Variants in KAT2B observed in about 807,000 individuals in gnomAD.
KAT2B encodes the protein histone acetyltransferase KAT2B.
In KAT2B, 36 loss-of-function variants were observed where a neutral mutation model predicts 105.9. The observed-to-expected ratio is 0.34, with a 90% CI of 0.26 to 0.45. The LOEUF (loss-of-function observed/expected upper bound fraction) is 0.45, where lower values mean the gene tolerates loss of function less well. KAT2B is among the 20% of genes least tolerant of loss of function. KAT2B has a pLI of 1.00. For synonymous variants in KAT2B, 397 were observed against 377.9 expected (o/e 1.05, Z -0.59); for missense variants, 820 against 1,021.6 (o/e 0.80, Z 2.69).
chr3:20,125,902 C>T lies in KAT2B; in HGVS notation c.1414-3C>T, dbSNP rs1699394118. The stretch of plus-strand genomic sequence containing the variant: ...TAATTTTTTCCTGTCTCTTGCATCT[C>T]AGACCAATTTTCTGTCAGCACACTC... On this transcript the variant is annotated splice_polypyrimidine_tract_variant and splice_region_variant and intron_variant, in intron 9 of 17. Transcript: ENST00000263754. The T allele has an allele frequency of 1.2e-6, 2 of 1,613,148 alleles. No homozygotes were observed. Among genetic ancestry groups the T allele is most frequent in the Non-Finnish European group, 1.7e-6 (2 of 1,179,796 alleles).
intron 1 of KAT2B, among the ~76,000 whole-genome samples, chr3:20,062,125 TATATATAA>T (rs1559514121): frequency 1.4e-4 from 10 of 73,964 alleles, no homozygotes; most frequent in African/African-American, 2.4e-4. Context: ...ATAAAACATA[TATATATAA>T]AATATATAAT....
chr3:20,101,944 A>G (rs1162764175), intron 5 of KAT2B, among the ~76,000 whole-genome samples: 1 of 152,202 alleles, frequency 6.6e-6, no homozygotes, highest in Non-Finnish European at 1.5e-5. Flanking sequence ...AATATAGTTG[A>G]CTAGATAGCT....
Position 20,072,967 on chromosome 3 carries a change from T to C in KAT2B, c.430+508T>C, listed in dbSNP as rs144760562. Among the ~76,000 whole-genome samples the C allele has an allele frequency of 4.8e-3, 731 of 152,284 alleles. 24 individuals are homozygous for C. Among genetic ancestry groups the C allele is most frequent in the Admixed American group, 0.042 (640 of 15,290 alleles). ...GCTGCTCTTTATTGTGTTTATTGAATGTTTACTGGTGGTTTCCCTTTCAAC... is the reference window on the plus strand; with the variant it reads ...GCTGCTCTTTATTGTGTTTATTGAACGTTTACTGGTGGTTTCCCTTTCAAC... On this transcript the variant is annotated intron_variant, in intron 2 of 17. Transcript: ENST00000263754.
intron 2 of KAT2B, among the ~76,000 whole-genome samples, chr3:20,078,703 G>GTA (rs371492340): frequency 8.8e-5 from 13 of 148,020 alleles, no homozygotes; most frequent in East Asian, 7.7e-4. Flanking sequence ...GTATATATAT[G>GTA]TATATATATA....
intron 4 of KAT2B, among the ~76,000 whole-genome samples, chr3:20,100,760 A>G (rs1027048794): frequency 1.3e-5 from 2 of 152,226 alleles, no homozygotes; most frequent in South Asian, 2.1e-4. Flanking sequence ...TTAAAAGCCC[A>G]TAATTTTGAA....
chr3:20,104,970 C>T (rs1463120959), intron 5 of KAT2B, among the ~76,000 whole-genome samples: 1 of 151,454 alleles, frequency 6.6e-6, no homozygotes, highest in African/African-American at 2.4e-5. Flanking sequence ...ACTGCAACCT[C>T]CACCTCCTGA....
chr3:20,072,108 C>T (rs571937688), intron 1 of KAT2B, among the ~76,000 whole-genome samples: 2 of 152,282 alleles, frequency 1.3e-5, no homozygotes, highest in East Asian at 3.9e-4. Flanking sequence ...TGAGCTGTAG[C>T]ATGCAGATTC....
rs754938316 is a variant in KAT2B, at chr3:20,130,135, G to T, written c.1749+2586G>T. Among the ~76,000 whole-genome samples, 11 of 152,250 alleles carry T rather than the reference G, an allele frequency of 7.2e-5. No individual in the cohort carries two copies. In the South Asian group the frequency reaches 8.3e-4, roughly 11 times the overall value. On this transcript the variant is annotated intron_variant, in intron 11 of 17. Transcript: ENST00000263754. ...CGGGATTACAGGCGTGAGCCACCAC[G>T]CCCGGCCTCAGCACGAATTATAGCT...
chr3:20,139,781 TTAAG>T (rs1327137146), intron 12 of KAT2B, among the ~76,000 whole-genome samples: 1 of 146,016 alleles, frequency 6.8e-6, no homozygotes, highest in East Asian at 2.2e-4. Context: ...CTCAGAAACA[TTAAG>T]TTTCTAATCA....
At chr3:20,118,267 ATAT>A (rs1370056952) in intron 7 of KAT2B, among the ~76,000 whole-genome samples, 3 of 146,574 alleles carry the variant, frequency 2.0e-5, no homozygotes, top group Admixed American at 1.4e-4. Flanking sequence ...ATATGTAAAT[ATAT>A]TATTTATATA....
chr3:20,119,443 G>A (rs1699267453), intron 7 of KAT2B, among the ~76,000 whole-genome samples, 155 bp from the exon 8 acceptor site: 1 of 152,098 alleles, frequency 6.6e-6, no homozygotes, highest in South Asian at 2.1e-4. Flanking sequence ...AGTCCCTGCT[G>A]TCTTTACTAT....
intron 1 of KAT2B, among the ~76,000 whole-genome samples, chr3:20,062,189 A>ATATAT (rs1391723055): frequency 0.12 from 6,311 of 52,098 alleles, 624 homozygotes; most frequent in Non-Finnish European, 0.15. Context: ...ATAATATATA[A>ATATAT]AATATATATA....
At chr3:20,072,728 G>C (rs981064863) in intron 2 of KAT2B, among the ~76,000 whole-genome samples, 2 of 152,172 alleles carry the variant, frequency 1.3e-5, no homozygotes, top group African/African-American at 4.8e-5. Flanking sequence ...CATGACAATC[G>C]AGCTAGTTAG....
chr3:20,040,566 C>A lies in KAT2B; in HGVS notation c.89C>A (p.Ala30Glu). 1 of 1,098,164 alleles carries A rather than the reference C, an allele frequency of 9.1e-7. No homozygotes were observed. Among genetic ancestry groups the A allele is most frequent in the East Asian group, 5.2e-5 (1 of 19,120 alleles). The allele number at this position is 1,098,164 out of a possible 1,614,324, so 68.0% of individuals were successfully genotyped here. ...AGPGALPPQP[A>E]ALPPAPPQGS... Reference sequence around the variant, plus strand: ...CCCGGGGCGCTGCCCCCGCAGCCTGCGGCGCTTCCGCCCGCGCCCCCGCAG... The same window carrying A: ...CCCGGGGCGCTGCCCCCGCAGCCTGAGGCGCTTCCGCCCGCGCCCCCGCAG... Residue 30 changes from alanine to glutamate, a missense_variant, in exon 1 of 18, where the codon GCG becomes GAG. Coordinates refer to ENST00000263754, the MANE Select transcript of KAT2B (RefSeq NM_003884.5).
At chr3:20,125,411 G>A (rs946008342) in intron 9 of KAT2B, among the ~76,000 whole-genome samples, 2 of 152,160 alleles carry the variant, frequency 1.3e-5, no homozygotes, top group Admixed American at 1.3e-4. Flanking sequence ...AGCTGGAGAG[G>A]ATTCCTTGAA....
chr3:20,090,027 T>G (rs1698689435), intron 2 of KAT2B, among the ~76,000 whole-genome samples: 9 of 151,800 alleles, frequency 5.9e-5, no homozygotes, highest in Admixed American at 1.3e-4. Context: ...AAAAAACGAA[T>G]GGTACTGATC....
intron 2 of KAT2B, among the ~76,000 whole-genome samples, chr3:20,089,043 G>A (rs149547090): frequency 5.9e-5 from 9 of 152,240 alleles, no homozygotes; most frequent in African/African-American, 2.2e-4. Context: ...GACTGTAAAT[G>A]GATAGATTTC....
chr3:20,060,909 C>T (rs796158842), intron 1 of KAT2B, among the ~76,000 whole-genome samples: 19 of 152,242 alleles, frequency 1.2e-4, no homozygotes, highest in African/African-American at 4.6e-4. Context: ...CATGCCACTG[C>T]ACTCCTGGGC....
intron 14 of KAT2B, among the ~76,000 whole-genome samples, chr3:20,147,107 G>A (rs533397930): frequency 6.6e-6 from 1 of 152,140 alleles, no homozygotes; most frequent in South Asian, 2.1e-4. Context: ...TGGCAATTTT[G>A]TTCAGTTCAA....
Sources: allele counts gnomAD v4.1 joint callset (sites outside exome capture counted in the v4.1 genomes callset), GRCh38; gene constraint gnomAD v4.1.1; transcripts MANE v1.5; gene names NCBI Gene and HGNC (gene_info 2026-07-23, HGNC 2026-07-21).